Variants in RBM41 observed in about 807,000 individuals in gnomAD.
RBM41 encodes the protein RNA binding motif protein 41, also known as RNA-binding protein 41.
In RBM41, 14 loss-of-function variants were observed where a neutral mutation model predicts 30.8. The ratio of observed to expected loss-of-function variants is 0.45; its 90% CI spans 0.30 to 0.71. The LOEUF (loss-of-function observed/expected upper bound fraction) is 0.71. RBM41 is among the 30% of genes least tolerant of loss of function. RBM41 has a pLI of 0.08. For missense variants in RBM41, 276 were observed against 326.3 expected (o/e 0.85, Z 1.19); for synonymous variants, 120 against 110.1 (o/e 1.09, Z -0.56).
intron 6 of RBM41, among the ~76,000 whole-genome samples, chrX:107,077,298 A>AT (rs1921038079): frequency 9.0e-6 from 1 of 110,713 alleles, no homozygotes; most frequent in African/African-American, 3.3e-5. Flanking sequence ...CGCCCAGCTA[A>AT]TTTTTTATAT....
chrX:107,094,011 G>T (rs1194684427), intron 5 of RBM41, among the ~76,000 whole-genome samples: 1 of 111,778 alleles, frequency 8.9e-6, no homozygotes, highest in African/African-American at 3.2e-5. Context: ...TTCATAGAAA[G>T]ATACAAATTA....
chrX:107,053,246 TA>T, the RBM41 span, among the ~76,000 whole-genome samples: 1 of 113,321 alleles, frequency 8.8e-6, no homozygotes, highest in Non-Finnish European at 1.9e-5. Context: ...TAGATGGTCA[TA>T]GGGGGCACTA....
At chrX:107,069,866 T>TAAAAAAAAAAAAAAAA (rs72211602) in intron 6 of RBM41, 1 of 81,227 alleles carries the variant, frequency 1.2e-5, no homozygotes. Flanking sequence ...TATAGGCACT[T>TAAAAAAAAAAAAAAAA]AAAAAAAAAA....
the RBM41 span, among the ~76,000 whole-genome samples, chrX:107,054,849 G>A: frequency 8.9e-6 from 1 of 111,924 alleles, no homozygotes; most frequent in African/African-American, 3.2e-5. Flanking sequence ...GTTTCTGAAC[G>A]GGTGGCTAAA....
rs1325425144 is a variant in RBM41 at position 107,064,076 on chromosome X, C to T, written c.*3451G>A. Among the ~76,000 whole-genome samples, 6 of 107,739 alleles carry T rather than the reference C, an allele frequency of 5.6e-5. No individual in the cohort carries two copies. The highest frequency in any genetic ancestry group is 7.7e-5 in the Non-Finnish European group (4 of 52,101). 93.6% of individuals were successfully genotyped at this position (107,739 alleles called of 115,157 possible). Reference sequence around the variant, plus strand: ...ACGCCATTCTCCTGCCTCAGCCTCCCGAGTAGCTGGGACTACAGGTGCCCA... The same window carrying T: ...ACGCCATTCTCCTGCCTCAGCCTCCTGAGTAGCTGGGACTACAGGTGCCCA... On this transcript the variant is annotated 3_prime_UTR_variant, in exon 8 of 8. Coordinates refer to ENST00000685964, the MANE Select transcript of RBM41 (RefSeq NM_001324242.2).
intron 6 of RBM41, among the ~76,000 whole-genome samples, chrX:107,081,441 G>A (rs1179937411): frequency 9.0e-6 from 1 of 111,235 alleles, no homozygotes; most frequent in Admixed American, 9.6e-5. Context: ...CTTGAAGTTG[G>A]GTAGTGTCAG....
intron 5 of RBM41, among the ~76,000 whole-genome samples, chrX:107,096,609 T>C (rs1184244859): frequency 1.8e-5 from 2 of 111,620 alleles, no homozygotes; most frequent in East Asian, 5.6e-4. Flanking sequence ...AAATGTATAA[T>C]ATATCTAGAT....
intron 5 of RBM41, among the ~76,000 whole-genome samples, chrX:107,098,649 C>G (rs1016970153): frequency 9.0e-6 from 1 of 111,340 alleles, no homozygotes; most frequent in Non-Finnish European, 1.9e-5. Flanking sequence ...TAAATCAATT[C>G]CAGGTGGATT....
chrX:107,075,153 A>T (rs776675034), intron 6 of RBM41, among the ~76,000 whole-genome samples: 1 of 112,220 alleles, frequency 8.9e-6, no homozygotes. Flanking sequence ...AGAATATAAC[A>T]TGAGAAAAAG....
chrX:107,086,581 T>TA (rs371929613), intron 6 of RBM41, among the ~76,000 whole-genome samples: 115 of 109,777 alleles, frequency 1.0e-3, no homozygotes, highest in African/African-American at 3.4e-3. Context: ...CAAACACATA[T>TA]AAAAAAAAAG....
chrX:107,103,264 T>C (rs1051200952), intron 5 of RBM41, among the ~76,000 whole-genome samples: 2 of 111,136 alleles, frequency 1.8e-5, no homozygotes, highest in Admixed American at 9.6e-5. Context: ...TCTTTGCAGA[T>C]GTAGTTAAAT....
Position 107,064,342 on chromosome X carries a change from T to C in RBM41, c.*3185A>G, listed in dbSNP as rs1249828813. 3 of 111,073 alleles carry C rather than the reference T, an allele frequency of 2.7e-5. No individual in the cohort carries two copies. Among genetic ancestry groups the C allele is most frequent in the African/African-American group, 9.8e-5 (3 of 30,519 alleles). 9.2% of individuals were successfully genotyped at this position (111,073 alleles called of 1,213,427 possible). ...ATCTTGTAAGTTTTGGTTTGTTGTG[T>C]CTTCATTATCACTCATCTCAAAGGG... On this transcript the variant is annotated 3_prime_UTR_variant, in exon 8 of 8. Transcript: ENST00000685964.
At chrX:107,118,654 A>C in intron 1 of RBM41, 112 bp downstream of exon 1, 1 of 1,014,220 alleles carries the variant, frequency 9.9e-7, no homozygotes, top group Admixed American at 2.2e-5. Flanking sequence ...CTCCCACGAA[A>C]CCGCATCCTG....
intron 5 of RBM41, among the ~76,000 whole-genome samples, chrX:107,102,194 G>A (rs1255135168): frequency 1.8e-5 from 2 of 111,794 alleles, no homozygotes; most frequent in Non-Finnish European, 3.8e-5. Flanking sequence ...GCTGAATTGA[G>A]TTCTACTGTT....
At position 107,118,786 on chromosome X, in the gene RBM41, C is replaced by G. The variant is rs772624112; in HGVS notation, c.-13G>C. 7 of 1,209,843 alleles carry G rather than the reference C, an allele frequency of 5.8e-6. No individual in the cohort carries two copies. In the South Asian group the frequency reaches 1.2e-4, roughly 21 times the overall value. On this transcript the variant is annotated 5_prime_UTR_variant, in exon 1 of 8. Coordinates refer to ENST00000685964, the MANE Select transcript of RBM41 (RefSeq NM_001324242.2). ...CTTACCTCTTCATGTTTCCACAGGC[C>G]CCTACCTCCAACTTGGGTAAATAGG...
At chrX:107,118,130 AGGCCATTTAGGCTCAAGC>A (rs1170147207) in intron 1 of RBM41, among the ~76,000 whole-genome samples, 1 of 110,944 alleles carries the variant, frequency 9.0e-6, no homozygotes, top group East Asian at 2.8e-4. Context: ...TAGGAGGCTC[AGGCCATTTAGGCTCAAGC>A]GGCCATTTAC....
At chrX:107,116,553 G>A in intron 2 of RBM41, 97 bp downstream of exon 2, 1 of 1,107,862 alleles carries the variant, frequency 9.0e-7, no homozygotes, top group Non-Finnish European at 1.2e-6. Context: ...CAAAGAAAGG[G>A]AGGTGGGAGA....
the RBM41 span, among the ~76,000 whole-genome samples, chrX:107,053,401 T>C: frequency 8.8e-6 from 1 of 113,219 alleles, no homozygotes; most frequent in East Asian, 2.8e-4. Flanking sequence ...GCTGGTTGTG[T>C]CTATAGTATT....
At chrX:107,055,673 T>C in the RBM41 span, among the ~76,000 whole-genome samples, 35 of 112,646 alleles carry the variant, frequency 3.1e-4, no homozygotes, top group African/African-American at 1.1e-3. Context: ...CATAATTCTA[T>C]GGTTAACTTT....
Sources: allele counts gnomAD v4.1 joint callset (sites outside exome capture counted in the v4.1 genomes callset), GRCh38; gene constraint gnomAD v4.1.1; transcripts MANE v1.5; gene names NCBI Gene and HGNC (gene_info 2026-07-23, HGNC 2026-07-21).